Variants in GSE1 observed in about 807,000 individuals in gnomAD.
GSE1 encodes the protein Gse1 coiled-coil protein, also known as genetic suppressor element 1.
GSE1 carries 32 observed loss-of-function variants against 112.6 expected under a neutral mutation model. That is an observed-to-expected ratio of 0.28 (90% CI 0.21 to 0.38). The LOEUF (loss-of-function observed/expected upper bound fraction) is 0.38, where lower values mean the gene tolerates loss of function less well. GSE1 is among the 10% of genes least tolerant of loss of function. The pLI, the probability that GSE1 is intolerant of heterozygous loss-of-function variation, is 1.00. For synonymous variants in GSE1, 1,115 were observed against 735.6 expected, an observed-to-expected ratio of 1.52 and a Z score of -8.35; for missense variants, 2,348 against 1,699.2, an observed-to-expected ratio of 1.38 and a Z score of -6.71.
chr16:85,418,073 G>A (rs149438135), intron 2 of GSE1, among the ~76,000 whole-genome samples: 86 of 152,236 alleles, frequency 5.6e-4, no homozygotes, highest in African/African-American at 1.8e-3. Flanking sequence ...TCCTGACCTC[G>A]TGATCCACCC....
At chr16:85,578,052 G>A (rs1007399838) in intron 1 of GSE1, among the ~76,000 whole-genome samples, 3 of 152,188 alleles carry the variant, frequency 2.0e-5, no homozygotes, top group South Asian at 4.1e-4. Flanking sequence ...GTTCTCCTGC[G>A]AGGAGGCTGC....
At chr16:85,302,452 C>T (rs1691867096) in intron 1 of GSE1, among the ~76,000 whole-genome samples, 1 of 151,876 alleles carries the variant, frequency 6.6e-6, no homozygotes, top group Admixed American at 6.6e-5. Flanking sequence ...CACACCGCCC[C>T]CCCCCGCCCC....
chr16:85,537,592 G>A lies in GSE1; in HGVS notation c.2465-96322G>A, dbSNP rs2044374639. On this transcript the variant is annotated intron_variant, in intron 2 of 2. Transcript: ENST00000637419. The stretch of plus-strand genomic sequence containing the variant: ...GGGAGGAAGCTTCCAGAGCCATAGG[G>A]CTCACAGAGGCCACAGTCCCCATGT... Among the ~76,000 whole-genome samples, 3 of 152,306 alleles carry A rather than the reference G, an allele frequency of 2.0e-5. 1 individual carries two copies. In the South Asian group the frequency reaches 6.2e-4, roughly 32 times the overall value.
chr16:85,260,591 G>T (rs1907584521), intron 1 of GSE1, among the ~76,000 whole-genome samples: 1 of 152,118 alleles, frequency 6.6e-6, no homozygotes, highest in South Asian at 2.1e-4. Flanking sequence ...CCAAAGTGCT[G>T]GGATTATAGG....
chr16:85,480,492 A>G (rs754233571), intron 2 of GSE1, among the ~76,000 whole-genome samples: 25 of 152,186 alleles, frequency 1.6e-4, no homozygotes, highest in Non-Finnish European at 2.9e-4. Context: ...TTGGGCCTCG[A>G]CACTCCTGTG....
chr16:85,245,344 G>A (rs1165969570), intron 1 of GSE1, among the ~76,000 whole-genome samples: 4 of 152,180 alleles, frequency 2.6e-5, no homozygotes, highest in East Asian at 1.9e-4. Flanking sequence ...TCACCCTCCC[G>A]AGACTTTCTG....
intron 1 of GSE1, among the ~76,000 whole-genome samples, chr16:85,578,150 G>A (rs188239346): frequency 6.6e-6 from 1 of 152,374 alleles, no homozygotes; most frequent in East Asian, 1.9e-4. Context: ...GAGATTGGCA[G>A]GGCCTCTCCC....
chr16:85,335,503 C>G (rs1275873436), intron 1 of GSE1, among the ~76,000 whole-genome samples: 1 of 152,050 alleles, frequency 6.6e-6, no homozygotes, highest in African/African-American at 2.4e-5. Context: ...GGAGGCCGTG[C>G]TGGGTGGGCT....
chr16:85,314,410 C>T (rs547559642), intron 1 of GSE1, among the ~76,000 whole-genome samples: 2 of 152,282 alleles, frequency 1.3e-5, no homozygotes, highest in South Asian at 4.1e-4. Context: ...TGTCCCAGCC[C>T]AGCATCTGTG....
intron 1 of GSE1, among the ~76,000 whole-genome samples, chr16:85,307,703 C>G (rs935117222): frequency 3.3e-5 from 5 of 152,334 alleles, no homozygotes; most frequent in East Asian, 3.9e-4. Flanking sequence ...CACCATGTGA[C>G]TGACCTTAAC....
At chr16:85,468,435 G>T (rs890611592) in intron 2 of GSE1, among the ~76,000 whole-genome samples, 5 of 150,350 alleles carry the variant, frequency 3.3e-5, no homozygotes, top group African/African-American at 1.2e-4. Flanking sequence ...TTCTGCCTCA[G>T]CCTCCTGAGT....
At chr16:85,326,736 C>T (rs746565434) in intron 1 of GSE1, among the ~76,000 whole-genome samples, 9 of 152,192 alleles carry the variant, frequency 5.9e-5, no homozygotes, top group Non-Finnish European at 8.8e-5. Flanking sequence ...CTAATATGGC[C>T]TGGTGCTTAC....
chr16:85,308,950 C>T (rs905856309), intron 1 of GSE1, among the ~76,000 whole-genome samples: 5 of 149,728 alleles, frequency 3.3e-5, no homozygotes, highest in Non-Finnish European at 5.9e-5. Context: ...CGCAGATGCA[C>T]GGGAGGTCTG....
At chr16:85,473,537 C>T (rs1057291307) in intron 2 of GSE1, among the ~76,000 whole-genome samples, 2 of 152,204 alleles carry the variant, frequency 1.3e-5, no homozygotes, top group Admixed American at 6.5e-5. Flanking sequence ...GCCGGCTCCC[C>T]CTGGCTGCCA....
rs558164347 is a variant in GSE1, at chr16:85,491,951, G to A, written c.2464+134308G>A. Among the ~76,000 whole-genome samples the A allele has an allele frequency of 3.2e-3, 480 of 152,248 alleles. 4 individuals carry two copies. Among genetic ancestry groups the A allele is most frequent in the Non-Finnish European group, 5.2e-3 (353 of 67,990 alleles). On this transcript the variant is annotated intron_variant, in intron 2 of 2. Transcript: ENST00000637419. ...CTTCTGTCTGCCTGTCCCTGTCCCC[G>A]CCTGGTGCTCTGAGCACCCTGTGGG...
intron 2 of GSE1, among the ~76,000 whole-genome samples, chr16:85,493,804 A>G (rs1056825767): frequency 3.3e-5 from 5 of 151,904 alleles, no homozygotes; most frequent in African/African-American, 1.2e-4. Flanking sequence ...AAAAAAAAAA[A>G]AAAAAGCCAG....
intron 1 of GSE1, among the ~76,000 whole-genome samples, chr16:85,246,135 G>A (rs1905639466): frequency 6.6e-6 from 1 of 150,688 alleles, no homozygotes; most frequent in African/African-American, 2.5e-5. Flanking sequence ...TGTTTTCCTG[G>A]GGAGTTTGGT....
intron 1 of GSE1, among the ~76,000 whole-genome samples, chr16:85,262,085 C>G (rs1907754536): frequency 6.6e-6 from 1 of 152,214 alleles, no homozygotes; most frequent in Non-Finnish European, 1.5e-5. Context: ...AGCCCAGACT[C>G]TTAACCACTT....
chr16:85,198,303 C>T (rs373639001), intron 1 of GSE1, among the ~76,000 whole-genome samples: 9 of 152,312 alleles, frequency 5.9e-5, no homozygotes, highest in South Asian at 2.1e-4. Context: ...GTCCTCTCTA[C>T]GGACGAGGTC....
Sources: allele counts gnomAD v4.1 joint callset (sites outside exome capture counted in the v4.1 genomes callset), GRCh38; gene constraint gnomAD v4.1.1; transcripts MANE v1.5; gene names NCBI Gene and HGNC (gene_info 2026-07-23, HGNC 2026-07-21).